Variants in ARHGAP45 observed in about 807,000 individuals in gnomAD.
The protein encoded by ARHGAP45 is rho GTPase-activating protein 45.
ARHGAP45 carries 56 observed loss-of-function variants against 116.1 expected under a neutral mutation model. The ratio of observed to expected loss-of-function variants is 0.48; its 90% CI spans 0.39 to 0.60. The LOEUF is 0.60. ARHGAP45 is among the 20% of genes least tolerant of loss of function. The pLI, the probability that ARHGAP45 is intolerant of heterozygous loss-of-function variation, is 0.00. For missense variants in ARHGAP45, 1,622 were observed against 1,601.0 expected (o/e 1.01, Z -0.22); for synonymous variants, 866 against 701.7 (o/e 1.23, Z -3.70).
chr19:1,071,247 G>C lies in ARHGAP45; in HGVS notation c.422-1902G>C. 7 of 1,477,342 alleles carry C rather than the reference G, an allele frequency of 4.7e-6. No individual in the cohort carries two copies. The highest frequency in any genetic ancestry group is 6.3e-6 in the Non-Finnish European group (7 of 1,118,188). The allele number at this position is 1,477,342 out of a possible 1,614,324, so 91.5% of individuals were successfully genotyped here. On this transcript the variant is annotated intron_variant, in intron 2 of 22. Transcript: ENST00000313093. The surrounding 1 kb of genome is among the most constrained non-coding windows in gnomAD (Gnocchi z 4.6). ...GGAGACCCCCATCGGTCAGCTGCCA[G>C]GCCCCACGCGCTCGCGGTCTCCGCG...
rs1359691664 is a variant in ARHGAP45 at position 1,071,479 on chromosome 19, C to G, written c.422-1670C>G. 2.7e-6 allele frequency: 2 copies of G among 740,070 alleles called. No individual in the cohort carries two copies. Among genetic ancestry groups the G allele is most frequent in the Middle Eastern group, 6.5e-4 (1 of 1,548 alleles). 45.8% of individuals were successfully genotyped at this position (740,070 alleles called of 1,614,324 possible). A position where few individuals can be genotyped will look rare whatever the true frequency, so the allele number is the denominator to read the frequency against. ...CGCGCGCCTGGCCTGGCCGTGCGCA[C>G]CTGGGCATCCCTGCGCTGCGCAGGG... On this transcript the variant is annotated intron_variant, in intron 2 of 22. Transcript: ENST00000313093. This position sits in a 1 kb window ranked among gnomAD's most constrained non-coding sequence, Gnocchi z 4.6.
chr19:1,081,714 CGAGCGGCGG>C lies in ARHGAP45; in HGVS notation c.2357_2365del (p.Glu786_Arg788del), dbSNP rs756452733. 6.3e-7 allele frequency: 1 copy of C among 1,583,684 alleles called. No homozygotes were observed. Among genetic ancestry groups the C allele is most frequent in the Non-Finnish European group, 8.6e-7 (1 of 1,164,216 alleles). ...TCGTCAAGAAGTGCGTCTGCGAGATCGAGCGGCGGGCGCTGCGCACCAAGGTGAGGCGGG... is the reference window on the plus strand; with the variant it reads ...TCGTCAAGAAGTGCGTCTGCGAGATCGCGCTGCGCACCAAGGTGAGGCGGG... On this transcript the variant is annotated inframe_deletion, in exon 18 of 23. Transcript: ENST00000313093.
chr19:1,067,957 G>A (rs978183348), intron 1 of ARHGAP45, among the ~76,000 whole-genome samples: 1 of 146,002 alleles, frequency 6.8e-6, no homozygotes, highest in Non-Finnish European at 1.5e-5. Flanking sequence ...ACAAAGCTGG[G>A]GGGGGGGTCT....
At chr19:1,066,445 TG>T (rs1413746817), upstream of ARHGAP45, 7 of 491,844 alleles carry the variant, frequency 1.4e-5, no homozygotes, top group Non-Finnish European at 2.6e-5. Flanking sequence ...GAGGCGGGGC[TG>T]GGGACCTTAG....
At chr19:1,075,508 G>A (rs2043228814) in intron 10 of ARHGAP45, among the ~76,000 whole-genome samples, 1 of 152,048 alleles carries the variant, frequency 6.6e-6, no homozygotes, top group Non-Finnish European at 1.5e-5. Context: ...GCCTCCCAAA[G>A]TGCTGAGATT....
At chr19:1,075,814 C>A (rs967893701) in intron 10 of ARHGAP45, among the ~76,000 whole-genome samples, 8 of 152,274 alleles carry the variant, frequency 5.3e-5, no homozygotes, top group Middle Eastern at 3.4e-3. Context: ...CACTATGTTG[C>A]CCAGTTTTTG....
rs774236982 is a variant in ARHGAP45 at position 1,079,704 on chromosome 19, C to T, written c.1376C>T (p.Ala459Val). 2.5e-6 allele frequency: 4 copies of T among 1,612,354 alleles called. No individual in the cohort carries two copies. The highest frequency in any genetic ancestry group is 2.2e-5 in the South Asian group (2 of 91,034). The change falls in exon 12 of 23, where the codon GCG (alanine) becomes GTG (valine). Residue 459 changes from alanine (A) to valine (V), a missense_variant and splice_region_variant. Ala to Val is a moderately conservative substitution (Grantham distance 64). Coordinates refer to ENST00000313093, the MANE Select transcript of ARHGAP45 (RefSeq NM_012292.5). Reference sequence around the variant, plus strand: ...CTGTGCGCCCCGCCCCCACCGCAGGCGGAGGAAGCTATGGCCACCTACCGC... The same window carrying T: ...CTGTGCGCCCCGCCCCCACCGCAGGTGGAGGAAGCTATGGCCACCTACCGC... ...RRLEEEAKNK[A>V]EEAMATYRTC...
chr19:1,066,876 C>T (rs978516652), upstream of ARHGAP45, among the ~76,000 whole-genome samples: 1 of 152,076 alleles, frequency 6.6e-6, no homozygotes, highest in Non-Finnish European at 1.5e-5. Context: ...GGCGCAGCTT[C>T]GGCCTGTGCG....
Position 1,085,800 on chromosome 19 carries a change from G to T in ARHGAP45, c.3205G>T (p.Gly1069Cys), listed in dbSNP as rs761496998. ...QSEASLEVASGSHSGSEEQLE... is the reference protein window; with the variant it reads ...QSEASLEVASCSHSGSEEQLE... ...CGAGGCCAGCCTAGAGGTGGCTTCT[G>T]GCAGCCACAGCGGCAGTGAGGAGCA... Residue 1069 changes from glycine to cysteine, a missense_variant, in exon 23 of 23, where the codon GGC becomes TGC. Coordinates refer to ENST00000313093, the MANE Select transcript of ARHGAP45 (RefSeq NM_012292.5). 5.6e-6 allele frequency: 9 copies of T among 1,612,794 alleles called. No homozygotes were observed. In the Admixed American group the frequency reaches 1.5e-4, roughly 27 times the overall value.
Position 1,083,005 on chromosome 19 carries a change from C to T in ARHGAP45, c.2683C>T (p.Leu895=). ...VALAGRLREL[L]RDLPPENRAS... ...CCTGGCAGGTCGGCTGCGGGAGCTC[C>T]TGCGGGACCTGCCGCCTGAGAACCG... is the stretch of plus-strand genomic sequence containing the variant. The change falls in exon 20 of 23, where the codon CTG becomes TTG. Residue 895 remains leucine, a synonymous_variant. Transcript: ENST00000313093. 1 of 1,545,606 alleles carries T rather than the reference C, an allele frequency of 6.5e-7. No homozygotes were observed. The highest frequency in any genetic ancestry group is 8.7e-7 in the Non-Finnish European group (1 of 1,150,396).
Position 1,086,029 on chromosome 19 carries a change from A to G in ARHGAP45, c.*23A>G, listed in dbSNP as rs765602130. ...TGAGCTGGGGTGGGGCTGGGACCAC[A>G]GGTGGCTTCTCTCTTGCCTGCTCCT... On this transcript the variant is annotated 3_prime_UTR_variant, in exon 23 of 23. Coordinates refer to ENST00000313093, the MANE Select transcript of ARHGAP45 (RefSeq NM_012292.5). 1 of 1,593,018 alleles carries G rather than the reference A, an allele frequency of 6.3e-7. No homozygotes were observed. Among genetic ancestry groups the G allele is most frequent in the East Asian group, 2.2e-5 (1 of 44,660 alleles).
chr19:1,085,812 G>A lies in ARHGAP45; in HGVS notation c.3217G>A (p.Gly1073Ser), dbSNP rs139988914. The change falls in exon 23 of 23, where the codon GGC becomes AGC. Residue 1073 changes from glycine to serine, a missense_variant. Transcript: ENST00000313093. ...SLEVASGSHS[G>S]SEEQLEATAR... ...AGAGGTGGCTTCTGGCAGCCACAGC[G>A]GCAGTGAGGAGCAGCTGGAGGCCAC... 6.8e-4 allele frequency: 1,103 copies of A among 1,612,892 alleles called. 1 individual carries two copies. Among genetic ancestry groups the A allele is most frequent in the Admixed American group, 1.1e-3 (69 of 60,008 alleles).
Position 1,082,832 on chromosome 19 carries a change from C to T in ARHGAP45, c.2518-8C>T, listed in dbSNP as rs770567137. Reference sequence around the variant, plus strand: ...CACCAACACCTGCTGACCCTTGACTCTGCGCAGCTTCCCGAGCCGCTCATC... The same window carrying T: ...CACCAACACCTGCTGACCCTTGACTTTGCGCAGCTTCCCGAGCCGCTCATC... On this transcript the variant is annotated splice_polypyrimidine_tract_variant and splice_region_variant and intron_variant, in intron 19 of 22. Transcript: ENST00000313093. The T allele has an allele frequency of 6.7e-6, 10 of 1,486,820 alleles. No homozygotes were observed. The highest frequency in any genetic ancestry group is 2.5e-5 in the Admixed American group (1 of 40,382). 92.1% of individuals were successfully genotyped at this position (1,486,820 alleles called of 1,614,324 possible).
chr19:1,084,409 G>A (rs2043539709), intron 22 of ARHGAP45, 63 bp downstream of exon 22: 1 of 1,313,154 alleles, frequency 7.6e-7, no homozygotes, highest in Non-Finnish European at 1.1e-6. Context: ...ATGGGCGCAG[G>A]TGCCATGACC....
Position 1,068,663 on chromosome 19 carries a change from G to A in ARHGAP45, c.340G>A (p.Glu114Lys). 4 of 1,612,664 alleles carry A rather than the reference G, an allele frequency of 2.5e-6. No individual in the cohort carries two copies. The highest frequency in any genetic ancestry group is 2.2e-5 in the South Asian group (2 of 91,082). Residue 114 changes from glutamate to lysine, a missense_variant, in exon 2 of 23, where the codon GAG (glutamate) becomes AAG (lysine). Glu to Lys is a moderately conservative substitution (Grantham distance 56, BLOSUM62 1). Transcript: ENST00000313093. The surrounding 1 kb of genome is among the most constrained non-coding windows in gnomAD (Gnocchi z 7.5). ...PTEGAGPDVV[E>K]DISHLLADVA... ...CGAGGGTGCCGGCCCGGACGTCGTC[G>A]AGGACATCTCCCATCTGCTGGCGGA...
At position 1,081,588 on chromosome 19, in the gene ARHGAP45, G is replaced by C. The variant is rs754744563; in HGVS notation, c.2229G>C (p.Leu743=). The C allele has an allele frequency of 4.3e-5, 65 of 1,516,574 alleles. No homozygotes were observed. The highest frequency in any genetic ancestry group is 5.5e-5 in the Non-Finnish European group (62 of 1,130,120). The allele number at this position is 1,516,574 out of a possible 1,614,324, so 93.9% of individuals were successfully genotyped here. A position where few individuals can be genotyped will look rare whatever the true frequency, so the allele number is the denominator to read the frequency against. Residue 743 remains leucine (L), a synonymous_variant, in exon 18 of 23, where the codon CTG becomes CTC. Transcript: ENST00000313093. ...LACHKKCLET[L]AIQCGHKKLQ... is the part of the protein sequence containing the mutation. ...GCCACAAGAAATGTCTGGAGACGCT[G>C]GCCATACAGTGCGGGCACAAGAAGC...
intron 2 of ARHGAP45, among the ~76,000 whole-genome samples, chr19:1,070,293 G>A (rs1053380302): frequency 4.7e-5 from 7 of 149,092 alleles, no homozygotes; most frequent in South Asian, 2.1e-4. Context: ...CACCGTGCCC[G>A]GGCTTTTCTT....
At chr19:1,065,977 C>T, upstream of ARHGAP45, 1 of 1,522,960 alleles carries the variant, frequency 6.6e-7, no homozygotes, top group East Asian at 2.4e-5. Flanking sequence ...GCCAGAAGCC[C>T]ATCCGACATC....
intron 17 of ARHGAP45, chr19:1,081,296 G>C (rs796697645): frequency 1.5e-6 from 1 of 647,530 alleles, no homozygotes; most frequent in African/African-American, 1.8e-5. Context: ...AGAGTCCTGG[G>C]GCTGTGGCCA....
Sources: gnomAD v4.1 joint callset for allele counts (sites outside exome capture counted in the v4.1 genomes callset) on GRCh38, gnomAD v4.1.1 for gene constraint, Gnocchi (gnomAD v3.1) non-coding constraint, MANE v1.5 for transcripts, NCBI Gene and HGNC (gene_info 2026-07-23, HGNC 2026-07-21) for gene names.